Variants in PLCG1 observed in about 807,000 individuals in gnomAD.
PLCG1 encodes the protein phospholipase C gamma 1.
In PLCG1, 71 loss-of-function variants were observed where a neutral mutation model predicts 177.8. That is an observed-to-expected ratio of 0.40 (90% CI 0.33 to 0.49). PLCG1 has a LOEUF of 0.49. PLCG1 is among the 20% of genes least tolerant of loss of function. The pLI, the probability that PLCG1 is intolerant of heterozygous loss-of-function variation, is 0.72. For synonymous variants in PLCG1, 658 were observed against 647.9 expected, an observed-to-expected ratio of 1.02 and a Z score of -0.24; for missense variants, 1,281 against 1,709.0, an observed-to-expected ratio of 0.75 and a Z score of 4.42.
chr20:41,162,226 TTTGTTTTTG>T (rs2035523240), intron 4 of PLCG1: 1 of 305,294 alleles, frequency 3.3e-6, no homozygotes, highest in Admixed American at 5.2e-5. Flanking sequence ...TTTTGTTTGT[TTTGTTTTTG>T]TTTTTTTTTT....
At position 41,153,721 on chromosome 20, in the gene PLCG1, C is replaced by T. The variant is rs923206289; in HGVS notation, c.218-5885C>T. 6.6e-6 allele frequency among the ~76,000 whole-genome samples: 1 copy of T among 152,124 alleles called. No homozygotes were observed. Among genetic ancestry groups the T allele is most frequent in the Admixed American group, 6.5e-5 (1 of 15,278 alleles). ...AGAGCAGCTGGCCAACATGGTGAAA[C>T]CCCGTCTCTACTAAAAATACAAAAA... is the stretch of plus-strand genomic sequence containing the variant. On this transcript the variant is annotated intron_variant, in intron 1 of 31. Transcript: ENST00000685551. The surrounding 1 kb of genome is among the most constrained non-coding windows in gnomAD (Gnocchi z 5.1).
rs201344126 is a variant in PLCG1 at position 41,163,461 on chromosome 20, A to G, written c.873A>G (p.Pro291=). Residue 291 remains proline, a synonymous_variant, in exon 9 of 32, where the codon CCA becomes CCG. Coordinates refer to ENST00000685551, the MANE Select transcript of PLCG1 (RefSeq NM_002660.3). This position sits in a 1 kb window ranked among gnomAD's most constrained non-coding sequence, Gnocchi z 5.2. The stretch of plus-strand genomic sequence containing the variant: ...ACCCCTTACGAGAGATCGAGGAGCC[A>G]TACTTCTTCCTGGATGAGGTGAGCC... ...LRDPLREIEE[P]YFFLDEFVTF... The G allele has an allele frequency of 6.6e-5, 107 of 1,610,768 alleles. No homozygotes were observed. The highest frequency in any genetic ancestry group is 8.9e-5 in the Non-Finnish European group (105 of 1,178,262).
chr20:41,177,372 TGAG>T lies in PLCG1; in HGVS notation c.*2864_*2866del. 6.6e-6 allele frequency: 1 copy of T among 152,384 alleles called. No homozygotes were observed. Among genetic ancestry groups the T allele is most frequent in the African/African-American group, 2.4e-5 (1 of 41,588 alleles). 9.4% of individuals were successfully genotyped at this position (152,384 alleles called of 1,614,324 possible). A position where few individuals can be genotyped will look rare whatever the true frequency, so the allele number is the denominator to read the frequency against. On this transcript the variant is annotated 3_prime_UTR_variant, in exon 32 of 32. Coordinates refer to ENST00000685551, the MANE Select transcript of PLCG1 (RefSeq NM_002660.3). Reference sequence around the variant, plus strand: ...GGCAGGAGCAGTTTCTGACCTCAGTTGAGTATCTGTGGCCATGAGCAGAAAAGG... The same window carrying T: ...GGCAGGAGCAGTTTCTGACCTCAGTTTATCTGTGGCCATGAGCAGAAAAGG...
In PLCG1 at chr20:41,157,231, TG is replaced by T. The variant is rs1411272097; in HGVS notation, c.218-2374del. 6.7e-6 allele frequency among the ~76,000 whole-genome samples: 1 copy of T among 149,842 alleles called. No homozygotes were observed. Among genetic ancestry groups the T allele is most frequent in the Admixed American group, 6.6e-5 (1 of 15,092 alleles). ...GTGTGTGTGTGTGTGTGTGTGTGTG[TG>T]TGTGTGTGTACAGTCACACTCACCT... On this transcript the variant is annotated intron_variant, in intron 1 of 31. Coordinates refer to ENST00000685551, the MANE Select transcript of PLCG1 (RefSeq NM_002660.3). The surrounding 1 kb of genome is among the most constrained non-coding windows in gnomAD (Gnocchi z 5.4).
rs757002563 is a variant in PLCG1 at position 41,166,748 on chromosome 20, G to T, written c.2190G>T (p.Glu730Asp). 2.5e-6 allele frequency: 4 copies of T among 1,614,156 alleles called. No homozygotes were observed. Among genetic ancestry groups the T allele is most frequent in the East Asian group, 4.5e-5 (2 of 44,886 alleles). ...EGQTVMLGNS[E>D]FDSLVDLISY... ...AGACAGTGATGCTAGGGAACTCGGA[G>T]TTCGACAGCCTTGTTGACCTCATCA... Residue 730 changes from glutamate (E) to aspartate (D), a missense_variant, in exon 19 of 32, where the codon GAG becomes GAT. Coordinates refer to ENST00000685551, the MANE Select transcript of PLCG1 (RefSeq NM_002660.3). The surrounding 1 kb of genome is among the most constrained non-coding windows in gnomAD (Gnocchi z 8.6).
chr20:41,167,866 G>T lies in PLCG1; in HGVS notation c.2316G>T (p.Gly772=). Residue 772 remains glycine (G), a synonymous_variant, in exon 20 of 32, where the codon GGG becomes GGT. Transcript: ENST00000685551. This position sits in a 1 kb window ranked among gnomAD's most constrained non-coding sequence, Gnocchi z 4.4. Reference sequence around the variant, plus strand: ...CCTGTTTCCAGGAGCCTGACTACGGGGCCCTGTATGAGGGACGCAACCCTG... The same window carrying T: ...CCTGTTTCCAGGAGCCTGACTACGGTGCCCTGTATGAGGGACGCAACCCTG... The part of the protein sequence containing the change: ...EKIGTAEPDY[G]ALYEGRNPGF... The T allele has an allele frequency of 6.2e-7, 1 of 1,613,368 alleles. No individual in the cohort carries two copies. Among genetic ancestry groups the T allele is most frequent in the Non-Finnish European group, 8.5e-7 (1 of 1,179,448 alleles).
chr20:41,167,004 T>C lies in PLCG1; in HGVS notation c.2301+145T>C. ...CCCTGACTCCAGCTGGGAGCCACAG[T>C]GTGGGTACCAGGAGGGTGTCTGCAG... On this transcript the variant is annotated intron_variant, in intron 19 of 31. Coordinates refer to ENST00000685551, the MANE Select transcript of PLCG1 (RefSeq NM_002660.3). This position sits in a 1 kb window ranked among gnomAD's most constrained non-coding sequence, Gnocchi z 4.4. 1 of 723,540 alleles carries C rather than the reference T, an allele frequency of 1.4e-6. No homozygotes were observed. Among genetic ancestry groups the C allele is most frequent in the Non-Finnish European group, 2.4e-6 (1 of 420,642 alleles). The allele number at this position is 723,540 out of a possible 1,614,324, so 44.8% of individuals were successfully genotyped here.
rs779181134 is a variant in PLCG1, at chr20:41,172,807, G to A, written c.3209G>A (p.Arg1070Gln). The A allele has an allele frequency of 2.0e-5, 33 of 1,614,040 alleles. No individual in the cohort carries two copies. The East Asian group carries it at 3.1e-4, about 15-fold the overall frequency. The change falls in exon 27 of 32, where the codon CGG becomes CAG. Residue 1070 changes from arginine (R) to glutamine (Q), a missense_variant. By Grantham distance (43) the Arg-to-Gln change is conservative. Around this residue, in one of 4 missense-constraint regions of PLCG1, gnomAD observed 723 missense variants for 1,030.0 expected, o/e 0.70. Transcript: ENST00000685551. This position sits in a 1 kb window ranked among gnomAD's most constrained non-coding sequence, Gnocchi z 7.0. ...CGYVLQPSTM[R>Q]DEAFDPFDKS... ...TACGTGCTGCAGCCAAGCACCATGCGGGATGAGGCCTTCGACCCCTTTGAC... is the reference window on the plus strand; with the variant it reads ...TACGTGCTGCAGCCAAGCACCATGCAGGATGAGGCCTTCGACCCCTTTGAC...
intron 1 of PLCG1, among the ~76,000 whole-genome samples, chr20:41,143,122 A>G: frequency 6.6e-6 from 1 of 152,178 alleles, no homozygotes; most frequent in East Asian, 1.9e-4. Flanking sequence ...TGTAGAGTGA[A>G]GGTATGATAT....
rs1469389831 is a variant in PLCG1, at chr20:41,174,483, CG to C, written c.3853del (p.Val1285SerfsTer52). The C allele has an allele frequency of 6.3e-7, 1 of 1,585,416 alleles. No individual in the cohort carries two copies. Among genetic ancestry groups the C allele is most frequent in the Non-Finnish European group, 8.6e-7 (1 of 1,163,690 alleles). The stretch of plus-strand genomic sequence containing the variant: ...TCTGTCCAGGGCCCCAAGAAGGACT[CG>C]GGTCAATGGAGACAACCGCCTCTAG... ...SRERRAPRRT[R>X]VNGDNRL is the part of the protein sequence containing the mutation. On this transcript the variant is annotated frameshift_variant, in exon 32 of 32. Coordinates refer to ENST00000685551, the MANE Select transcript of PLCG1 (RefSeq NM_002660.3). LOFTEE classifies it high-confidence loss of function. This position sits in a 1 kb window ranked among gnomAD's most constrained non-coding sequence, Gnocchi z 5.8.
chr20:41,160,053 C>T lies in PLCG1; in HGVS notation c.465-53C>T. The T allele has an allele frequency of 6.2e-7, 1 of 1,605,106 alleles. No homozygotes were observed. The highest frequency in any genetic ancestry group is 1.7e-4 in the Middle Eastern group (1 of 6,048). ...GACCTTTGTGTGCCCAGACATCTCC[C>T]AGGCCTGACTGTAGATGGAGAAGTG... On this transcript the variant is annotated intron_variant, in intron 3 of 31. Transcript: ENST00000685551. This position sits in a 1 kb window ranked among gnomAD's most constrained non-coding sequence, Gnocchi z 5.5.
intron 24 of PLCG1, 80 bp downstream of exon 24, chr20:41,170,349 C>T (rs772722560): frequency 4.6e-6 from 7 of 1,509,086 alleles, no homozygotes; most frequent in Non-Finnish European, 6.4e-6. Context: ...CAGCACAGGC[C>T]CCCTCAGAGC....
Position 41,173,629 on chromosome 20 carries a change from GC to G in PLCG1, c.3395-21del. 1 of 1,614,130 alleles carries G rather than the reference GC, an allele frequency of 6.2e-7. No homozygotes were observed. Among genetic ancestry groups the G allele is most frequent in the South Asian group, 1.1e-5 (1 of 91,074 alleles). ...CCATCCTCTCCCACGGTGACCTGAA[GC>G]CTTTTGTCGTTGCCTTCACAGTGGA... On this transcript the variant is annotated intron_variant, in intron 28 of 31. Transcript: ENST00000685551. The surrounding 1 kb of genome is among the most constrained non-coding windows in gnomAD (Gnocchi z 6.2).
In PLCG1 at chr20:41,173,438, C is replaced by G; in HGVS notation, c.3298C>G (p.Leu1100Val). Residue 1100 changes from leucine (L) to valine (V), a missense_variant, in exon 28 of 32, where the codon CTG becomes GTG. Transcript: ENST00000685551. The surrounding 1 kb of genome is among the most constrained non-coding windows in gnomAD (Gnocchi z 6.2). ...ISIEVLGARH[L>V]PKNGRGIVCP... ...CCTACAGGTGCTGGGGGCCCGACAT[C>G]TGCCAAAGAATGGCCGAGGCATTGT... is the stretch of plus-strand genomic sequence containing the variant. The G allele has an allele frequency of 6.2e-7, 1 of 1,607,036 alleles. No homozygotes were observed. Among genetic ancestry groups the G allele is most frequent in the Admixed American group, 1.7e-5 (1 of 59,710 alleles).
chr20:41,139,242 C>G (rs915108136), intron 1 of PLCG1, among the ~76,000 whole-genome samples: 1 of 152,176 alleles, frequency 6.6e-6, no homozygotes, highest in African/African-American at 2.4e-5. Context: ...CCCTGTCAGC[C>G]ATTGGGAGAA....
At position 41,173,013 on chromosome 20, in the gene PLCG1, T is replaced by C; in HGVS notation, c.3279+136T>C. 1 of 823,230 alleles carries C rather than the reference T, an allele frequency of 1.2e-6. No homozygotes were observed. The highest frequency in any genetic ancestry group is 1.9e-6 in the Non-Finnish European group (1 of 528,588). 51.0% of individuals were successfully genotyped at this position (823,230 alleles called of 1,614,324 possible). On this transcript the variant is annotated intron_variant, in intron 27 of 31. Transcript: ENST00000685551. This position sits in a 1 kb window ranked among gnomAD's most constrained non-coding sequence, Gnocchi z 6.2. ...GGTGGGTGGGGCCTGAGCTGAGTCT[T>C]TGAAGGGGTGAAGATAGCATGCAGT... is the stretch of plus-strand genomic sequence containing the variant.
intron 1 of PLCG1, among the ~76,000 whole-genome samples, chr20:41,154,991 G>C (rs2035275194): frequency 6.6e-6 from 1 of 152,224 alleles, no homozygotes; most frequent in Non-Finnish European, 1.5e-5. Flanking sequence ...GGACTGCATG[G>C]CCCAGAAGCT....
In PLCG1 at chr20:41,174,261, C is replaced by A. The variant is rs200825598; in HGVS notation, c.3783C>A (p.Phe1261Leu). Residue 1261 changes from phenylalanine to leucine, a missense_variant, in exon 31 of 32, where the codon TTC becomes TTA. Coordinates refer to ENST00000685551, the MANE Select transcript of PLCG1 (RefSeq NM_002660.3). This position sits in a 1 kb window ranked among gnomAD's most constrained non-coding sequence, Gnocchi z 5.8. ...ESRYQQPFED[F>L]RISQEHLADH... ...GCTACCAGCAGCCGTTTGAGGACTT[C>A]CGCATCTCCCAGGAGCATCTCGCAG... is the stretch of plus-strand genomic sequence containing the variant. 2 of 1,614,076 alleles carry A rather than the reference C, an allele frequency of 1.2e-6. No individual in the cohort carries two copies. The highest frequency in any genetic ancestry group is 1.7e-6 in the Non-Finnish European group (2 of 1,180,042).
intron 23 of PLCG1, among the ~76,000 whole-genome samples, chr20:41,169,904 T>C (rs1298542387): frequency 6.6e-6 from 1 of 152,146 alleles, no homozygotes; most frequent in Non-Finnish European, 1.5e-5. Flanking sequence ...GTTGGAACAC[T>C]GGCTCCACCA....
Sources: allele counts gnomAD v4.1 joint callset (sites outside exome capture counted in the v4.1 genomes callset), GRCh38; gene constraint gnomAD v4.1.1; regional missense constraint gnomAD v4.1.1; non-coding constraint Gnocchi (gnomAD v3.1); transcripts MANE v1.5; gene names NCBI Gene and HGNC (gene_info 2026-07-23, HGNC 2026-07-21).